The following FAM91A1 variants were observed in gnomAD, a reference collection of about 807,000 sequenced individuals.
FAM91A1 encodes family with sequence similarity 91 member A1.
In FAM91A1, 41 loss-of-function variants were observed where a neutral mutation model predicts 113.5. That is an observed-to-expected ratio of 0.36 (90% CI 0.28 to 0.47). The LOEUF (loss-of-function observed/expected upper bound fraction) is 0.47, where lower values mean the gene tolerates loss of function less well. FAM91A1 is among the 20% of genes least tolerant of loss of function. The pLI is 1.00. For synonymous variants in FAM91A1, 307 were observed against 347.9 expected (o/e 0.88, Z 1.31); for missense variants, 696 against 1,001.2 (o/e 0.70, Z 4.11).
Position 123,785,715 on chromosome 8 carries a change from G to A in FAM91A1, c.936G>A (p.Lys312=). ...INLDQLHSSW[K]NVPSVNRLKS... ...TGGATCAACTTCATTCATCATGGAA[G>A]AATGTTCCATCCGTAAACAGATTAA... The change falls in exon 11 of 24, where the codon AAG becomes AAA. Residue 312 remains lysine, a synonymous_variant. Transcript: ENST00000334705. 1.2e-6 allele frequency: 2 copies of A among 1,607,904 alleles called. No individual in the cohort carries two copies. The highest frequency in any genetic ancestry group is 2.2e-5 in the South Asian group (2 of 89,828).
In FAM91A1 at chr8:123,799,869, C is replaced by G; in HGVS notation, c.1793C>G (p.Ser598Cys). The G allele has an allele frequency of 6.3e-7, 1 of 1,591,196 alleles. No homozygotes were observed. Among genetic ancestry groups the G allele is most frequent in the East Asian group, 2.3e-5 (1 of 44,344 alleles). The change falls in exon 18 of 24, where the codon TCT (serine) becomes TGT (cysteine). Residue 598 changes from serine to cysteine, a missense_variant. Coordinates refer to ENST00000334705, the MANE Select transcript of FAM91A1 (RefSeq NM_144963.4). Reference sequence around the variant, plus strand: ...ATGTTGAATGATGCTTTAACACATTCTGCAGTTTTAATTCAGGTACATTTA... The same window carrying G: ...ATGTTGAATGATGCTTTAACACATTGTGCAGTTTTAATTCAGGTACATTTA... ...LTMLNDALTH[S>C]AVLIQGHGLH...
chr8:123,791,938 C>T (rs1815395570), intron 15 of FAM91A1, among the ~76,000 whole-genome samples: 2 of 152,076 alleles, frequency 1.3e-5, no homozygotes, highest in Non-Finnish European at 1.5e-5. Flanking sequence ...ACTTTGGGAG[C>T]TCGAGGCAGG....
intron 14 of FAM91A1, chr8:123,788,347 C>A: frequency 1.4e-6 from 1 of 706,106 alleles, no homozygotes; most frequent in Non-Finnish European, 1.7e-6. Flanking sequence ...TCTTTGTATT[C>A]AAATAGTTTG....
At chr8:123,776,707 G>A (rs1300142716) in intron 3 of FAM91A1, among the ~76,000 whole-genome samples, 4 of 152,098 alleles carry the variant, frequency 2.6e-5, no homozygotes, top group African/African-American at 4.8e-5. Context: ...TCTATCATTG[G>A]GTATAGTTCC....
Position 123,786,577 on chromosome 8 carries a change from A to C in FAM91A1, c.1045A>C (p.Thr349Pro). The C allele has an allele frequency of 6.2e-7, 1 of 1,614,164 alleles. No individual in the cohort carries two copies. ...RSPVQEASSA[T>P]DTDTNSQEDP... ...TCCTGTACAAGAAGCTTCATCGGCA[A>C]CTGACACTGATACAAATAGTCAAGA... The change falls in exon 12 of 24, where the codon ACT (threonine) becomes CCT (proline). Residue 349 changes from threonine (T) to proline (P), a missense_variant. Physicochemically the swap from Thr to Pro is conservative, Grantham distance 38 (BLOSUM62 -1). Coordinates refer to ENST00000334705, the MANE Select transcript of FAM91A1 (RefSeq NM_144963.4).
intron 8 of FAM91A1, among the ~76,000 whole-genome samples, chr8:123,783,959 C>T (rs1815187236): frequency 6.6e-6 from 1 of 152,172 alleles, no homozygotes; most frequent in South Asian, 2.1e-4. Context: ...ACATGATGGT[C>T]ATGCAGATGA....
chr8:123,810,686 A>T (rs923434510), intron 23 of FAM91A1: 23 of 327,442 alleles, frequency 7.0e-5, no homozygotes, highest in Non-Finnish European at 6.1e-5. Context: ...CACTGCTGGG[A>T]TGGGCTGTCT....
intron 21 of FAM91A1, 72 bp downstream of exon 21, chr8:123,808,448 G>T: frequency 4.8e-6 from 6 of 1,239,578 alleles, no homozygotes; most frequent in Non-Finnish European, 6.9e-6. Context: ...TAAGGCATTT[G>T]CATGCCATTT....
At chr8:123,794,819 G>T (rs1586385859) in intron 15 of FAM91A1, among the ~76,000 whole-genome samples, 1 of 152,328 alleles carries the variant, frequency 6.6e-6, no homozygotes, top group East Asian at 1.9e-4. Flanking sequence ...AGAAAAAGTT[G>T]AATTGCGTGG....
chr8:123,795,115 ATAAT>A (rs1237897002), intron 15 of FAM91A1, among the ~76,000 whole-genome samples: 4 of 152,248 alleles, frequency 2.6e-5, no homozygotes, highest in South Asian at 2.1e-4. Context: ...CAAATGAAAG[ATAAT>A]TAATATTCTC....
At chr8:123,787,134 A>T in intron 12 of FAM91A1, 127 bp from the exon 13 acceptor site, 1 of 691,602 alleles carries the variant, frequency 1.4e-6, no homozygotes, top group South Asian at 1.9e-5. Flanking sequence ...TTATGGCTAT[A>T]ATAGTGCCTT....
In FAM91A1 at chr8:123,799,571, A is replaced by G. The variant is rs1370815178; in HGVS notation, c.1612A>G (p.Ile538Val). 2 of 1,613,932 alleles carry G rather than the reference A, an allele frequency of 1.2e-6. No individual in the cohort carries two copies. The highest frequency in any genetic ancestry group is 1.7e-6 in the Non-Finnish European group (2 of 1,179,988). ...EVSSVWFKLYIYHVTGQGPPS... is the reference protein window; with the variant it reads ...EVSSVWFKLYVYHVTGQGPPS... Reference sequence around the variant, plus strand: ...CAGCTCTGTCTGGTTTAAACTGTACATTTATCATGTCACTGGACAAGGACC... The same window carrying G: ...CAGCTCTGTCTGGTTTAAACTGTACGTTTATCATGTCACTGGACAAGGACC... Residue 538 changes from isoleucine to valine, a missense_variant, in exon 17 of 24, where the codon ATT becomes GTT. By Grantham distance (29) the Ile-to-Val change is conservative (BLOSUM62 3). Transcript: ENST00000334705.
At chr8:123,783,951 A>G (rs929686836) in intron 8 of FAM91A1, among the ~76,000 whole-genome samples, 1 of 152,230 alleles carries the variant, frequency 6.6e-6, no homozygotes, top group African/African-American at 2.4e-5. Context: ...TCTGGTAAAC[A>G]TGATGGTCAT....
chr8:123,806,762 TTC>T (rs1815822591), intron 20 of FAM91A1, among the ~76,000 whole-genome samples: 1 of 152,182 alleles, frequency 6.6e-6, no homozygotes, highest in South Asian at 2.1e-4. Context: ...GTGACTGCTC[TTC>T]TTGTCTGGGT....
intron 18 of FAM91A1, among the ~76,000 whole-genome samples, chr8:123,803,400 C>T (rs1272532976): frequency 2.0e-5 from 3 of 152,024 alleles, no homozygotes; most frequent in African/African-American, 4.8e-5. Flanking sequence ...CCTCGACTTC[C>T]CCTGGGCACA....
At chr8:123,808,036 T>C (rs533089203) in intron 20 of FAM91A1, among the ~76,000 whole-genome samples, 20 of 152,324 alleles carry the variant, frequency 1.3e-4, no homozygotes, top group Admixed American at 4.6e-4. Flanking sequence ...GATTGTCCTG[T>C]GTATGGTCAG....
At chr8:123,796,990 G>A (rs1815537913) in intron 15 of FAM91A1, among the ~76,000 whole-genome samples, 2 of 151,828 alleles carry the variant, frequency 1.3e-5, no homozygotes, top group Admixed American at 6.5e-5. Flanking sequence ...GAACCTGGGA[G>A]GCAGAGGTTG....
intron 15 of FAM91A1, among the ~76,000 whole-genome samples, chr8:123,791,951 G>A (rs2130108793): frequency 6.6e-6 from 1 of 152,272 alleles, no homozygotes; most frequent in South Asian, 2.1e-4. Flanking sequence ...GAGGCAGGCG[G>A]TTCACTTGAG....
At chr8:123,805,202 T>C in intron 18 of FAM91A1, 65 bp from the exon 19 acceptor site, 1 of 1,264,110 alleles carries the variant, frequency 7.9e-7, no homozygotes, top group Admixed American at 2.1e-5. Context: ...TCTTATTTAC[T>C]TTTGAATATC....
Sources: gnomAD v4.1 joint callset for allele counts (sites outside exome capture counted in the v4.1 genomes callset) on GRCh38, gnomAD v4.1.1 for gene constraint, MANE v1.5 for transcripts, NCBI Gene and HGNC (gene_info 2026-07-23, HGNC 2026-07-21) for gene names.